DIS3L2: variants seen among roughly 807,000 people sequenced by gnomAD.
The protein encoded by DIS3L2 is DIS3 like 3'-5' exoribonuclease 2, also known as DIS3-like exonuclease 2.
DIS3L2 carries 34 observed loss-of-function variants against 97.5 expected under a neutral mutation model. That is an observed-to-expected ratio of 0.35 (90% CI 0.27 to 0.46). The LOEUF is 0.46. Among genes scored for constraint, DIS3L2 ranks in the 20% least tolerant of loss-of-function variants. The probability of loss-of-function intolerance (pLI) is 1.00; values close to 1 mark genes in which losing one functional copy is unlikely to be tolerated. For synonymous variants in DIS3L2, 435 were observed against 445.2 expected, an observed-to-expected ratio of 0.98 and a Z score of 0.29; for missense variants, 1,038 against 1,146.0, an observed-to-expected ratio of 0.91 and a Z score of 1.36.
At chr2:232,333,227 GCCTCCTCCTCCTCCTCCT>G (rs1170491432) in intron 16 of DIS3L2, among the ~76,000 whole-genome samples, 4 of 24,224 alleles carry the variant, frequency 1.7e-4, no homozygotes, top group Admixed American at 5.7e-4. Context: ...CTCCGCTGTC[GCCTCCTCCTCCTCCTCCT>G]CCTCCTCCTC....
In DIS3L2 at chr2:232,269,744, G is replaced by T. The variant is rs1387606451; in HGVS notation, c.1659+6304G>T. On this transcript the variant is annotated intron_variant, in intron 13 of 20. Transcript: ENST00000325385. The surrounding 1 kb of genome is among the most constrained non-coding windows in gnomAD (Gnocchi z 4.5). ...ATGGCAGATTGTTCCAGGGTGTGTG[G>T]TGTAGGGTGCAGAGAGAGAGAGGAG... Among the ~76,000 whole-genome samples, 1 of 112,706 alleles carries T rather than the reference G, an allele frequency of 8.9e-6. No individual in the cohort carries two copies. The highest frequency in any genetic ancestry group is 1.6e-5 in the Non-Finnish European group (1 of 60,832). The allele number at this position is 112,706 out of a possible 152,430, so 73.9% of individuals were successfully genotyped here.
At chr2:232,344,217 T>C (rs1013741403) in exon 14 of DIS3L2, 3 of 152,326 alleles carry the variant, frequency 2.0e-5, no homozygotes, top group Non-Finnish European at 4.4e-5. Flanking sequence ...ATTATTTTTC[T>C]TATCTTCAGG....
At chr2:232,238,802 A>T (rs942357931) in intron 11 of DIS3L2, among the ~76,000 whole-genome samples, 157 bp downstream of exon 11, 1 of 152,216 alleles carries the variant, frequency 6.6e-6, no homozygotes. Context: ...TGGCCCTGCT[A>T]TATAAGTAAC....
intron 8 of DIS3L2, among the ~76,000 whole-genome samples, chr2:232,144,733 T>G (rs1164620975): frequency 6.6e-6 from 1 of 152,166 alleles, no homozygotes; most frequent in Non-Finnish European, 1.5e-5. Flanking sequence ...TACAGTTAGC[T>G]GTGTCTCTGT....
intron 13 of DIS3L2, among the ~76,000 whole-genome samples, chr2:232,265,179 C>T (rs1693821197): frequency 6.6e-6 from 1 of 152,160 alleles, no homozygotes; most frequent in Non-Finnish European, 1.5e-5. Flanking sequence ...TGCACCAGCC[C>T]CTTTGAAACC....
chr2:232,278,050 G>C (rs943808756), intron 13 of DIS3L2, among the ~76,000 whole-genome samples: 1 of 152,120 alleles, frequency 6.6e-6, no homozygotes, highest in African/African-American at 2.4e-5. Context: ...GACTAATTTA[G>C]GTTTTCCTCA....
At chr2:232,242,450 G>A (rs1693126496) in intron 11 of DIS3L2, among the ~76,000 whole-genome samples, 1 of 152,150 alleles carries the variant, frequency 6.6e-6, no homozygotes, top group Non-Finnish European at 1.5e-5. Flanking sequence ...CCTATGACTT[G>A]GCTTGTGGGC....
chr2:232,225,009 T>G (rs532785151), intron 10 of DIS3L2, among the ~76,000 whole-genome samples: 1 of 152,128 alleles, frequency 6.6e-6, no homozygotes, highest in Non-Finnish European at 1.5e-5. Flanking sequence ...GAAAATATCT[T>G]AAGTCCAGGG....
Position 232,281,820 on chromosome 2 carries a change from C to T in DIS3L2, c.1660-18220C>T, listed in dbSNP as rs1420511765. ...AAAGACGCTTGCCAGGTGGCTGGAC[C>T]GGAAGTCTGCTGCTCCTCTTCTACC... is the stretch of plus-strand genomic sequence containing the variant. On this transcript the variant is annotated intron_variant, in intron 13 of 20. Transcript: ENST00000325385. The surrounding 1 kb of genome is among the most constrained non-coding windows in gnomAD (Gnocchi z 4.1). Among the ~76,000 whole-genome samples the T allele has an allele frequency of 6.6e-6, 1 of 152,126 alleles. No individual in the cohort carries two copies. The highest frequency in any genetic ancestry group is 2.4e-5 in the African/African-American group (1 of 41,414).
chr2:232,138,024 A>C (rs1187968334), intron 8 of DIS3L2, among the ~76,000 whole-genome samples: 1 of 152,152 alleles, frequency 6.6e-6, no homozygotes, highest in Non-Finnish European at 1.5e-5. Context: ...CTTTCACATC[A>C]AACCAGGAAA....
chr2:231,964,778 A>G (rs753002957), intron 1 of DIS3L2, among the ~76,000 whole-genome samples: 2 of 152,260 alleles, frequency 1.3e-5, no homozygotes, highest in Non-Finnish European at 2.9e-5. Context: ...ACATGAAATT[A>G]TTAGGAAAGC....
rs1694281321 is a variant in DIS3L2 at position 232,281,389 on chromosome 2, ACT to A, written c.1659+17952_1659+17953del. Among the ~76,000 whole-genome samples the A allele has an allele frequency of 6.6e-6, 1 of 151,950 alleles. No individual in the cohort carries two copies. The highest frequency in any genetic ancestry group is 1.9e-4 in the East Asian group (1 of 5,188). The stretch of plus-strand genomic sequence containing the variant: ...ACTTCAGCCTGGGTGACAGAGCAAG[ACT>A]CTGTCTCAAAAAGAAAAAAAGAAAT... On this transcript the variant is annotated intron_variant, in intron 13 of 20. Transcript: ENST00000325385. This position sits in a 1 kb window ranked among gnomAD's most constrained non-coding sequence, Gnocchi z 4.1.
chr2:232,204,665 G>T (rs1691982009), intron 9 of DIS3L2, among the ~76,000 whole-genome samples: 2 of 152,154 alleles, frequency 1.3e-5, no homozygotes, highest in African/African-American at 4.8e-5. Context: ...AAGCTGGCAG[G>T]CCAGGCTGCT....
chr2:232,263,006 A>T (rs542769863), intron 12 of DIS3L2, among the ~76,000 whole-genome samples: 1 of 152,324 alleles, frequency 6.6e-6, no homozygotes, highest in East Asian at 1.9e-4. Flanking sequence ...ATTCCACGCC[A>T]GGTGGAGACT....
intron 7 of DIS3L2, among the ~76,000 whole-genome samples, chr2:232,135,113 C>A (rs1443666455): frequency 6.6e-6 from 1 of 151,984 alleles, no homozygotes; most frequent in Non-Finnish European, 1.5e-5. Flanking sequence ...GGACAAGTTG[C>A]TGAAATCAAA....
At chr2:232,140,690 G>A (rs930638395) in intron 8 of DIS3L2, among the ~76,000 whole-genome samples, 21 of 152,220 alleles carry the variant, frequency 1.4e-4, no homozygotes, top group Non-Finnish European at 5.9e-5. Flanking sequence ...GTAGGACATG[G>A]AGCTTGGCCT....
chr2:232,146,467 C>T (rs1690218701), intron 8 of DIS3L2, among the ~76,000 whole-genome samples: 1 of 152,176 alleles, frequency 6.6e-6, no homozygotes, highest in Admixed American at 6.5e-5. Flanking sequence ...GGTTGTGCAG[C>T]TGCAGACCCA....
intron 1 of DIS3L2, among the ~76,000 whole-genome samples, chr2:231,979,257 T>G (rs1179921943): frequency 6.6e-6 from 1 of 152,022 alleles, no homozygotes; most frequent in Non-Finnish European, 1.5e-5. Context: ...TTTTATTTAA[T>G]TTATTTTTTT....
chr2:232,006,130 T>G (rs1183754903), intron 1 of DIS3L2, among the ~76,000 whole-genome samples: 2 of 152,106 alleles, frequency 1.3e-5, no homozygotes, highest in African/African-American at 4.8e-5. Context: ...GAGGTTGCAG[T>G]GAGCCAAGAT....
Sources: allele counts gnomAD v4.1 joint callset (sites outside exome capture counted in the v4.1 genomes callset), GRCh38; gene constraint gnomAD v4.1.1; non-coding constraint Gnocchi (gnomAD v3.1); transcripts MANE v1.5; gene names NCBI Gene and HGNC (gene_info 2026-07-23, HGNC 2026-07-21).